TMEM135: variants seen among roughly 807,000 people sequenced by gnomAD.
The protein encoded by TMEM135 is peroxisomal membrane protein 52.
TMEM135 carries 30 observed loss-of-function variants against 60.3 expected under a neutral mutation model. The observed-to-expected ratio is 0.50, with a 90% confidence interval of 0.37 to 0.68. The LOEUF (loss-of-function observed/expected upper bound fraction) is 0.68. Among genes scored for constraint, TMEM135 ranks in the 30% least tolerant of loss-of-function variants. The probability of loss-of-function intolerance (pLI) is 0.00; values close to 1 mark genes in which losing one functional copy is unlikely to be tolerated. For synonymous variants in TMEM135, 190 were observed against 186.7 expected (o/e 1.02, Z -0.14); for missense variants, 468 against 548.8 (o/e 0.85, Z 1.47).
intron 5 of TMEM135, among the ~76,000 whole-genome samples, chr11:87,183,774 G>A (rs537061492): frequency 4.0e-5 from 6 of 151,806 alleles, no homozygotes; most frequent in South Asian, 2.1e-4. Context: ...TGGCTAACAC[G>A]GTAAAACGCC....
In TMEM135 at chr11:87,094,140, A is replaced by G. The variant is rs547955750; in HGVS notation, c.396+2745A>G. ...CTTTCATTTATTTCTAAAATAATAG[A>G]CTCTGGGTTTTTAATTGGTCGTGAA... On this transcript the variant is annotated intron_variant, in intron 4 of 14. Coordinates refer to ENST00000305494, the MANE Select transcript of TMEM135 (RefSeq NM_022918.4). Among the ~76,000 whole-genome samples the G allele has an allele frequency of 3.7e-4, 56 of 152,154 alleles. 1 individual carries two copies. The South Asian group carries it at 0.011, about 31-fold the overall frequency.
chr11:87,104,121 A>G (rs1436387676), intron 4 of TMEM135, among the ~76,000 whole-genome samples: 1 of 152,170 alleles, frequency 6.6e-6, no homozygotes, highest in African/African-American at 2.4e-5. Flanking sequence ...ACATATAGAT[A>G]AGAGCCCAGT....
intron 4 of TMEM135, among the ~76,000 whole-genome samples, chr11:87,112,372 C>G (rs1857776234): frequency 7.7e-6 from 1 of 129,642 alleles, no homozygotes; most frequent in Non-Finnish European, 1.6e-5. Context: ...TAAAAAATCG[C>G]TCACTGTTTT....
At chr11:87,109,049 G>A (rs1218845831) in intron 4 of TMEM135, among the ~76,000 whole-genome samples, 3 of 152,190 alleles carry the variant, frequency 2.0e-5, no homozygotes, top group Non-Finnish European at 4.4e-5. Context: ...AGAGTAGGGA[G>A]TGAAGGGATT....
At chr11:87,038,930 G>T (rs1031749572) in intron 1 of TMEM135, among the ~76,000 whole-genome samples, 1 of 151,998 alleles carries the variant, frequency 6.6e-6, no homozygotes, top group Non-Finnish European at 1.5e-5. Flanking sequence ...TATTAAAGAT[G>T]CTCTTAAATG....
chr11:87,269,082 T>C (rs886231138), intron 6 of TMEM135, among the ~76,000 whole-genome samples: 15 of 151,112 alleles, frequency 9.9e-5, no homozygotes, highest in African/African-American at 3.6e-4. Context: ...TTTTTTGAAA[T>C]ACGCAATGCA....
At chr11:87,262,329 C>A (rs905742867) in intron 6 of TMEM135, among the ~76,000 whole-genome samples, 6 of 152,084 alleles carry the variant, frequency 3.9e-5, no homozygotes, top group African/African-American at 1.4e-4. Flanking sequence ...CCAGATTGTC[C>A]TCCAAAAAAG....
chr11:87,206,124 A>G (rs1940228935), intron 5 of TMEM135, among the ~76,000 whole-genome samples: 1 of 152,298 alleles, frequency 6.6e-6, no homozygotes, highest in Non-Finnish European at 1.5e-5. Flanking sequence ...CAACTTTGTA[A>G]TAACATTTTA....
At chr11:87,117,450 T>C (rs181674820) in intron 4 of TMEM135, among the ~76,000 whole-genome samples, 55 of 152,368 alleles carry the variant, frequency 3.6e-4, no homozygotes, top group African/African-American at 1.3e-3. Flanking sequence ...CTGCTGCTGC[T>C]TTCTCAATTA....
chr11:87,058,959 A>T (rs1011951479), intron 1 of TMEM135, among the ~76,000 whole-genome samples: 1 of 150,966 alleles, frequency 6.6e-6, no homozygotes, highest in Admixed American at 6.6e-5. Context: ...TTTGTTTGAG[A>T]CAGAGTCTCG....
intron 4 of TMEM135, among the ~76,000 whole-genome samples, chr11:87,135,866 T>C (rs866469232): frequency 2.0e-5 from 3 of 152,202 alleles, no homozygotes; most frequent in Middle Eastern, 6.8e-3. Flanking sequence ...TTTTGACCAA[T>C]GAAAATTGAA....
chr11:87,117,799 G>A (rs1857930121), intron 4 of TMEM135, among the ~76,000 whole-genome samples: 1 of 152,134 alleles, frequency 6.6e-6, no homozygotes, highest in African/African-American at 2.4e-5. Flanking sequence ...AATCACAAAT[G>A]TCCTTAATGG....
chr11:87,163,237 T>C (rs1485970349), intron 5 of TMEM135, among the ~76,000 whole-genome samples: 3 of 136,340 alleles, frequency 2.2e-5, no homozygotes, highest in African/African-American at 8.3e-5. Context: ...CCTTCCTGTG[T>C]CCATGTGATC....
At chr11:87,266,236 C>T (rs1254138362) in intron 6 of TMEM135, among the ~76,000 whole-genome samples, 1 of 152,034 alleles carries the variant, frequency 6.6e-6, no homozygotes, top group Non-Finnish European at 1.5e-5. Context: ...TGTTCTCCAC[C>T]CCTAAGTCCC....
intron 3 of TMEM135, among the ~76,000 whole-genome samples, chr11:87,086,982 G>A (rs887630798): frequency 6.6e-6 from 1 of 152,126 alleles, no homozygotes. Flanking sequence ...ACTGCTTTCT[G>A]CTGATGGGGG....
chr11:87,151,742 C>T (rs73525149), intron 4 of TMEM135, among the ~76,000 whole-genome samples: 3,361 of 151,640 alleles, frequency 0.022, 141 homozygotes, highest in African/African-American at 0.078. Flanking sequence ...TTACCTATCA[C>T]GAGAATGGGA....
At chr11:87,162,753 G>A (rs2135275378) in intron 5 of TMEM135, among the ~76,000 whole-genome samples, 1 of 152,230 alleles carries the variant, frequency 6.6e-6, no homozygotes, top group South Asian at 2.1e-4. Flanking sequence ...GGATTGCTGG[G>A]TCAAATGGTA....
At chr11:87,257,861 A>T (rs1051906624) in intron 6 of TMEM135, among the ~76,000 whole-genome samples, 1 of 152,148 alleles carries the variant, frequency 6.6e-6, no homozygotes, top group Non-Finnish European at 1.5e-5. Context: ...AGTGAATTGT[A>T]TAATATTTCA....
intron 4 of TMEM135, among the ~76,000 whole-genome samples, chr11:87,140,187 C>T (rs909357077): frequency 5.9e-5 from 9 of 152,166 alleles, no homozygotes; most frequent in Middle Eastern, 3.4e-3. Context: ...CCCGCCTCAG[C>T]CTCTGAAGTA....
Sources: gnomAD v4.1 joint callset for allele counts (sites outside exome capture counted in the v4.1 genomes callset) on GRCh38, gnomAD v4.1.1 for gene constraint, MANE v1.5 for transcripts, NCBI Gene and HGNC (gene_info 2026-07-23, HGNC 2026-07-21) for gene names.